Variants in CSMD1 observed in about 807,000 individuals in gnomAD.
CSMD1 encodes the protein CUB and Sushi multiple domains 1.
In CSMD1, 213 loss-of-function variants were observed where a neutral mutation model predicts 417.5. The ratio of observed to expected loss-of-function variants is 0.51; its 90% CI spans 0.46 to 0.57. CSMD1 has a LOEUF of 0.57. Ranked by LOEUF, CSMD1 falls within the 20% of genes least tolerant of loss-of-function variation. The pLI, the probability that CSMD1 is intolerant of heterozygous loss-of-function variation, is 0.00. For missense variants in CSMD1, 6,923 were observed against 4,529.7 expected, an observed-to-expected ratio of 1.53 and a Z score of -15.17; for synonymous variants, 2,862 against 1,736.8, an observed-to-expected ratio of 1.65 and a Z score of -16.11.
At chr8:3,442,528 G>A (rs1036329790) in intron 12 of CSMD1, among the ~76,000 whole-genome samples, 10 of 152,158 alleles carry the variant, frequency 6.6e-5, no homozygotes, top group Non-Finnish European at 1.3e-4. Context: ...ACAATTGCCT[G>A]TAGTATTACA....
intron 2 of CSMD1, among the ~76,000 whole-genome samples, chr8:4,447,728 G>A (rs903003447): frequency 2.0e-5 from 3 of 152,056 alleles, no homozygotes; most frequent in African/African-American, 7.2e-5. Context: ...CCAAAATTAA[G>A]TCTCCAAATT....
chr8:3,661,170 G>A (rs1798398959), intron 7 of CSMD1, among the ~76,000 whole-genome samples: 1 of 152,144 alleles, frequency 6.6e-6, no homozygotes, highest in African/African-American at 2.4e-5. Context: ...CCTTGTGGAT[G>A]AATTGCAACT....
At chr8:4,526,824 A>C (rs886450281) in intron 2 of CSMD1, among the ~76,000 whole-genome samples, 1 of 152,190 alleles carries the variant, frequency 6.6e-6, no homozygotes, top group East Asian at 1.9e-4. Context: ...GAATAAATTT[A>C]ATCGACAAAT....
intron 25 of CSMD1, among the ~76,000 whole-genome samples, chr8:3,294,141 G>C (rs575543819): frequency 1.3e-5 from 2 of 152,204 alleles, no homozygotes. Flanking sequence ...CAGAACAGCA[G>C]ATGTTGGTGA....
At chr8:4,354,689 T>C (rs1221613804) in intron 3 of CSMD1, among the ~76,000 whole-genome samples, 2 of 152,140 alleles carry the variant, frequency 1.3e-5, no homozygotes, top group Admixed American at 1.3e-4. Context: ...CATTTGTATA[T>C]TGTCACCGTG....
rs117923816 is a variant in CSMD1 at position 3,781,604 on chromosome 8, G to A, written c.819-27562C>T. ...AATTATCAGTGTACTCTGTCCCACA[G>A]TCTCACATACCATCAAGAAACCCTA... On this transcript the variant is annotated intron_variant, in intron 5 of 69. Transcript: ENST00000635120. Among the ~76,000 whole-genome samples, 1,007 of 152,276 alleles carry A rather than the reference G, an allele frequency of 6.6e-3. 6 individuals carry two copies. Among genetic ancestry groups the A allele is most frequent in the Non-Finnish European group, 0.011 (775 of 68,020 alleles).
chr8:4,157,101 C>T (rs1447417591), intron 3 of CSMD1, among the ~76,000 whole-genome samples: 1 of 152,148 alleles, frequency 6.6e-6, no homozygotes, highest in East Asian at 1.9e-4. Context: ...ACAAATCTCA[C>T]TGCCTATCTT....
intron 10 of CSMD1, among the ~76,000 whole-genome samples, chr8:3,543,553 AGT>A (rs928752992): frequency 1.3e-5 from 2 of 152,018 alleles, no homozygotes; most frequent in Non-Finnish European, 2.9e-5. Context: ...AAATGAACAG[AGT>A]GTATGGGTCT....
chr8:3,555,625 T>C (rs918828376), intron 10 of CSMD1, among the ~76,000 whole-genome samples: 1 of 152,236 alleles, frequency 6.6e-6, no homozygotes, highest in Non-Finnish European at 1.5e-5. Context: ...ATTTTACATA[T>C]AAATTTAAAG....
At chr8:4,883,339 T>C (rs76587708) in intron 1 of CSMD1, among the ~76,000 whole-genome samples, 1 of 152,138 alleles carries the variant, frequency 6.6e-6, no homozygotes, top group South Asian at 2.1e-4. Context: ...TTATCAGATA[T>C]AATTTACATA....
intron 5 of CSMD1, among the ~76,000 whole-genome samples, chr8:3,892,591 T>A (rs961239741): frequency 2.0e-5 from 3 of 152,160 alleles, no homozygotes; most frequent in Admixed American, 2.0e-4. Context: ...GTTAAATCTG[T>A]TCTCTCCCCA....
intron 2 of CSMD1, among the ~76,000 whole-genome samples, chr8:4,602,894 T>A (rs1800670311): frequency 6.6e-6 from 1 of 151,906 alleles, no homozygotes; most frequent in South Asian, 2.1e-4. Context: ...CGCTATCATA[T>A]AATGATATGA....
intron 3 of CSMD1, among the ~76,000 whole-genome samples, chr8:4,223,235 G>C (rs1007681447): frequency 8.6e-5 from 13 of 151,900 alleles, no homozygotes; most frequent in African/African-American, 3.1e-4. Flanking sequence ...TTTGCTTCTT[G>C]AACATTTATC....
At chr8:4,173,016 T>C (rs1026108001) in intron 3 of CSMD1, among the ~76,000 whole-genome samples, 1 of 152,158 alleles carries the variant, frequency 6.6e-6, no homozygotes, top group African/African-American at 2.4e-5. Flanking sequence ...TAATAAATGC[T>C]TGGTATTTTA....
chr8:4,606,460 TACA>T (rs982261727), intron 2 of CSMD1, among the ~76,000 whole-genome samples: 9 of 152,180 alleles, frequency 5.9e-5, no homozygotes, highest in African/African-American at 2.2e-4. Context: ...CTGCTGTGAT[TACA>T]ACATCATCCG....
intron 6 of CSMD1, among the ~76,000 whole-genome samples, chr8:3,714,559 CCCAAAAA>C (rs1464232770): frequency 3.9e-4 from 1 of 2,592 alleles, no homozygotes; most frequent in Non-Finnish European, 1.4e-3. Context: ...CCATCTCTAT[CCCAAAAA>C]AAAAAAAAAA....
chr8:4,616,630 G>A (rs1801489329), intron 2 of CSMD1, among the ~76,000 whole-genome samples: 1 of 152,178 alleles, frequency 6.6e-6, no homozygotes, highest in East Asian at 1.9e-4. Context: ...ACTACTGACA[G>A]CTGACATTGG....
At chr8:4,906,813 C>T (rs562754783) in intron 1 of CSMD1, among the ~76,000 whole-genome samples, 42 of 152,192 alleles carry the variant, frequency 2.8e-4, no homozygotes, top group Non-Finnish European at 4.9e-4. Flanking sequence ...CTGCCTCGGC[C>T]TCCCATAGTG....
intron 5 of CSMD1, among the ~76,000 whole-genome samples, chr8:3,922,697 G>C (rs1302650347): frequency 6.6e-6 from 1 of 151,944 alleles, no homozygotes; most frequent in African/African-American, 2.4e-5. Flanking sequence ...ATTTTATGTT[G>C]TTGATATTAC....
Sources: gnomAD v4.1 joint callset for allele counts (sites outside exome capture counted in the v4.1 genomes callset) on GRCh38, gnomAD v4.1.1 for gene constraint, MANE v1.5 for transcripts, NCBI Gene and HGNC (gene_info 2026-07-23, HGNC 2026-07-21) for gene names.